Variants in SLC4A4 observed in about 807,000 individuals in gnomAD.
SLC4A4 encodes the protein solute carrier family 4 member 4, also known as electrogenic sodium bicarbonate cotransporter 1.
Under a neutral mutation model 111.5 loss-of-function variants are expected in SLC4A4, and 27 were observed. That is an observed-to-expected ratio of 0.24 (90% confidence interval 0.18 to 0.33). The LOEUF is 0.33. SLC4A4 is among the 10% of genes least tolerant of loss of function. The probability of loss-of-function intolerance (pLI) is 1.00; values close to 1 mark genes in which losing one functional copy is unlikely to be tolerated. For synonymous variants in SLC4A4, 443 were observed against 463.4 expected (o/e 0.96, Z 0.57); for missense variants, 909 against 1,315.5 (o/e 0.69, Z 4.78).
intron 1 of SLC4A4, among the ~76,000 whole-genome samples, chr4:71,087,098 T>A (rs6447016): frequency 1 from 152,114 of 152,124 alleles, 76,052 homozygotes; most frequent in Middle Eastern, 1. Flanking sequence ...TTATTGTTCT[T>A]TTCAGAGATT....
At chr4:71,261,113 T>C (rs927644100) in intron 3 of SLC4A4, among the ~76,000 whole-genome samples, 2 of 152,308 alleles carry the variant, frequency 1.3e-5, no homozygotes, top group South Asian at 2.1e-4. Flanking sequence ...CCTAACGGCA[T>C]ATTTGAGAGA....
At chr4:71,138,522 G>C (rs4694381) in intron 2 of SLC4A4, among the ~76,000 whole-genome samples, 102,501 of 152,024 alleles carry the variant, frequency 0.67, 36,629 homozygotes, top group Admixed American at 0.81. Flanking sequence ...CATCTCACTC[G>C]GTTCATATTA....
chr4:71,097,986 G>C (rs1217815409), intron 2 of SLC4A4, among the ~76,000 whole-genome samples: 1 of 152,052 alleles, frequency 6.6e-6, no homozygotes, highest in African/African-American at 2.4e-5. Context: ...TTACTCTGTT[G>C]ATAGTTTATA....
intron 1 of SLC4A4, among the ~76,000 whole-genome samples, chr4:71,091,744 AT>A (rs1471048253): frequency 6.6e-6 from 1 of 152,102 alleles, no homozygotes; most frequent in Non-Finnish European, 1.5e-5. Context: ...GAAATACTAC[AT>A]GTCCCTATTA....
At chr4:71,257,292 G>T (rs1048601394) in intron 3 of SLC4A4, among the ~76,000 whole-genome samples, 5 of 152,140 alleles carry the variant, frequency 3.3e-5, no homozygotes, top group Non-Finnish European at 7.3e-5. Context: ...AGTTGTTAAG[G>T]ACTAAATTGT....
At chr4:71,115,407 CAAACAAAACA>C (rs995423715) in intron 2 of SLC4A4, among the ~76,000 whole-genome samples, 4 of 151,680 alleles carry the variant, frequency 2.6e-5, no homozygotes, top group African/African-American at 9.7e-5. Flanking sequence ...CAAAAAAGAG[CAAACAAAACA>C]AAACAAAACA....
intron 4 of SLC4A4, among the ~76,000 whole-genome samples, chr4:71,343,632 A>T (rs2148894491): frequency 6.6e-6 from 1 of 152,324 alleles, no homozygotes; most frequent in South Asian, 2.1e-4. Flanking sequence ...ACCTTTAAAG[A>T]TATTCACATA....
chr4:71,062,669 T>C (rs10009591), exon 1 of SLC4A4, among the ~76,000 whole-genome samples: 4,150 of 152,300 alleles, frequency 0.027, 83 homozygotes, highest in Middle Eastern at 0.058. Context: ...TGGCAACTCT[T>C]GAGCGTGCAT....
intron 6 of SLC4A4, among the ~76,000 whole-genome samples, chr4:71,359,973 A>G (rs1730620949): frequency 6.6e-6 from 1 of 152,202 alleles, no homozygotes; most frequent in Admixed American, 6.5e-5. Flanking sequence ...ATGGTAGTGT[A>G]CTGGAGTCAG....
chr4:71,136,853 A>G (rs567150363), intron 2 of SLC4A4, among the ~76,000 whole-genome samples: 4 of 152,324 alleles, frequency 2.6e-5, no homozygotes, highest in African/African-American at 9.6e-5. Context: ...AGGTTGGCAC[A>G]GTATTAAGCA....
chr4:71,487,111 C>T, intron 15 of SLC4A4, 93 bp downstream of exon 15: 2 of 776,238 alleles, frequency 2.6e-6, no homozygotes, highest in Non-Finnish European at 4.5e-6. Context: ...TTCTACCACT[C>T]AGCAATTCTG....
intron 3 of SLC4A4, among the ~76,000 whole-genome samples, chr4:71,270,278 C>T (rs930216672): frequency 1.9e-4 from 29 of 152,096 alleles, no homozygotes; most frequent in Middle Eastern, 3.4e-3. Context: ...TTAGTAGGGG[C>T]GGGGTTTCAC....
intron 1 of SLC4A4, among the ~76,000 whole-genome samples, chr4:71,195,941 A>G (rs1745980504): frequency 6.6e-6 from 1 of 152,238 alleles, no homozygotes; most frequent in African/African-American, 2.4e-5. Flanking sequence ...CTTCTACCCC[A>G]GAAGGATCAG....
chr4:71,319,598 A>G (rs565100221), intron 3 of SLC4A4, among the ~76,000 whole-genome samples: 1 of 152,098 alleles, frequency 6.6e-6, no homozygotes, highest in African/African-American at 2.4e-5. Flanking sequence ...ATTTGTTGGT[A>G]TTACTTCTCA....
At position 71,255,205 on chromosome 4, in the gene SLC4A4, G is replaced by A; in HGVS notation, c.74-15G>A. 1 of 1,612,626 alleles carries A rather than the reference G, an allele frequency of 6.2e-7. No homozygotes were observed. Among genetic ancestry groups the A allele is most frequent in the Non-Finnish European group, 8.5e-7 (1 of 1,178,866 alleles). ...TGTGGTTTGAACTGACTGGTGATTT[G>A]TGTACCTTCCTTAGGCCACCATACC... On this transcript the variant is annotated splice_polypyrimidine_tract_variant and intron_variant, in intron 2 of 25. Coordinates refer to ENST00000264485, the MANE Select transcript of SLC4A4 (RefSeq NM_001098484.3).
intron 7 of SLC4A4, among the ~76,000 whole-genome samples, chr4:71,425,554 C>T (rs185975610): frequency 1.3e-5 from 2 of 152,210 alleles, no homozygotes; most frequent in Admixed American, 6.6e-5. Context: ...CAGCCTGAGG[C>T]GGTCCTGACA....
chr4:71,311,411 G>A (rs1361678467), intron 3 of SLC4A4, among the ~76,000 whole-genome samples: 1 of 152,116 alleles, frequency 6.6e-6, no homozygotes, highest in Non-Finnish European at 1.5e-5. Flanking sequence ...GCACCACGTA[G>A]CACTTACTCT....
chr4:71,525,601 A>G (rs1276298613), intron 16 of SLC4A4, among the ~76,000 whole-genome samples: 1 of 152,150 alleles, frequency 6.6e-6, no homozygotes, highest in Non-Finnish European at 1.5e-5. Flanking sequence ...GGAGAGACTT[A>G]ACATTTGATT....
intron 1 of SLC4A4, among the ~76,000 whole-genome samples, chr4:71,190,385 TACACACACACAC>T (rs5859253): frequency 0.064 from 9,201 of 143,740 alleles, 936 homozygotes; most frequent in African/African-American, 0.22. Context: ...TATGTATGTT[TACACACACACAC>T]ACACACACAC....
Sources: allele counts gnomAD v4.1 joint callset (sites outside exome capture counted in the v4.1 genomes callset), GRCh38; gene constraint gnomAD v4.1.1; transcripts MANE v1.5; gene names NCBI Gene and HGNC (gene_info 2026-07-23, HGNC 2026-07-21).